The following SH3RF3 variants were observed in gnomAD, a reference collection of about 807,000 sequenced individuals.
The protein encoded by SH3RF3 is SH3 domain containing ring finger 3, also known as E3 ubiquitin-protein ligase SH3RF3.
Under a neutral mutation model 66.3 loss-of-function variants are expected in SH3RF3, and 29 were observed. The observed-to-expected ratio is 0.44, with a 90% confidence interval of 0.33 to 0.60. The LOEUF (loss-of-function observed/expected upper bound fraction) is 0.60, where lower values mean the gene tolerates loss of function less well. SH3RF3 is among the 20% of genes least tolerant of loss of function. The pLI is 0.04. For missense variants in SH3RF3, 1,194 were observed against 1,190.9 expected (o/e 1.00, Z -0.04); for synonymous variants, 583 against 532.0 (o/e 1.10, Z -1.32).
rs550449232 is a variant in SH3RF3, at chr2:109,384,509, G to A, written c.945+12828G>A. The stretch of plus-strand genomic sequence containing the variant: ...AGGCAGGTGGGAGGAGAGGGGTTGG[G>A]GTCAGAGGGGCAGTGGGAAAAGGGC... On this transcript the variant is annotated intron_variant, in intron 3 of 9. Transcript: ENST00000309415. Among the ~76,000 whole-genome samples the A allele has an allele frequency of 2.2e-3, 337 of 152,064 alleles. 3 individuals carry two copies. Among genetic ancestry groups the A allele is most frequent in the African/African-American group, 7.8e-3 (325 of 41,482 alleles).
At chr2:109,170,088 T>C (rs904188717) in intron 1 of SH3RF3, among the ~76,000 whole-genome samples, 4 of 152,236 alleles carry the variant, frequency 2.6e-5, no homozygotes, top group Admixed American at 2.6e-4. Context: ...TGCCAGAAAC[T>C]ATAATCTCTA....
At position 109,493,423 on chromosome 2, in the gene SH3RF3, AAC is replaced by A. The variant is rs1215919804; in HGVS notation, c.2480+2491_2480+2492del. 3.9e-3 allele frequency among the ~76,000 whole-genome samples: 583 copies of A among 150,650 alleles called. 2 individuals carry two copies. Among genetic ancestry groups the A allele is most frequent in the Middle Eastern group, 0.015 (4 of 272 alleles). On this transcript the variant is annotated intron_variant, in intron 9 of 9. Transcript: ENST00000309415. ...ACACACACCACACATACATCATGCAAACACAGACTACACACATGTGCAAACAC... is the reference window on the plus strand; with the variant it reads ...ACACACACCACACATACATCATGCAAACAGACTACACACATGTGCAAACAC...
intron 7 of SH3RF3, among the ~76,000 whole-genome samples, chr2:109,443,605 G>T (rs1053137209): frequency 6.6e-6 from 1 of 152,160 alleles, no homozygotes; most frequent in South Asian, 2.1e-4. Flanking sequence ...AGCTGGAGTG[G>T]TTATCTTAAT....
At chr2:109,253,683 A>G (rs1006261195) in intron 1 of SH3RF3, among the ~76,000 whole-genome samples, 1 of 152,140 alleles carries the variant, frequency 6.6e-6, no homozygotes, top group African/African-American at 2.4e-5. Flanking sequence ...TTTGGAAAGG[A>G]ATTTGGCTGT....
At chr2:109,399,606 A>G (rs924724788) in intron 4 of SH3RF3, among the ~76,000 whole-genome samples, 2 of 152,214 alleles carry the variant, frequency 1.3e-5, no homozygotes, top group Non-Finnish European at 1.5e-5. Flanking sequence ...TGTCTCTACA[A>G]GCAACCAATC....
chr2:109,359,403 A>G (rs1683011181), intron 2 of SH3RF3, among the ~76,000 whole-genome samples: 1 of 151,880 alleles, frequency 6.6e-6, no homozygotes, highest in Admixed American at 6.6e-5. Context: ...CTATCCATGA[A>G]CATGAAATAT....
chr2:109,219,605 G>A (rs533445577), intron 1 of SH3RF3, among the ~76,000 whole-genome samples: 2 of 152,260 alleles, frequency 1.3e-5, no homozygotes, highest in Admixed American at 1.3e-4. Flanking sequence ...CGGCAAAGTT[G>A]CAAAATATAA....
intron 4 of SH3RF3, among the ~76,000 whole-genome samples, chr2:109,403,943 A>G (rs1676382225): frequency 6.6e-6 from 1 of 152,176 alleles, no homozygotes; most frequent in Non-Finnish European, 1.5e-5. Flanking sequence ...CCTCCTTGGT[A>G]GGTGTACCTT....
At chr2:109,140,131 C>T (rs367908519) in intron 1 of SH3RF3, among the ~76,000 whole-genome samples, 28 of 152,162 alleles carry the variant, frequency 1.8e-4, no homozygotes, top group Admixed American at 1.8e-3. Context: ...TCCACCGTCC[C>T]CTCCTGCACC....
At chr2:109,223,642 A>G (rs10203471) in intron 1 of SH3RF3, among the ~76,000 whole-genome samples, 112,119 of 152,008 alleles carry the variant, frequency 0.74, 41,901 homozygotes, top group East Asian at 0.89. Context: ...CTCCCTGGGT[A>G]GCCCTGCACC....
chr2:109,446,151 G>T (rs1223849717), intron 7 of SH3RF3, among the ~76,000 whole-genome samples: 2 of 152,138 alleles, frequency 1.3e-5, no homozygotes, highest in African/African-American at 4.8e-5. Flanking sequence ...AATCCTACCA[G>T]AGATGAGCAC....
At chr2:109,289,898 G>A (rs1394914947) in intron 1 of SH3RF3, among the ~76,000 whole-genome samples, 1 of 152,148 alleles carries the variant, frequency 6.6e-6, no homozygotes, top group Non-Finnish European at 1.5e-5. Flanking sequence ...GGATTGCTGA[G>A]GTTCCTTCCA....
At chr2:109,187,214 T>A (rs551064421) in intron 1 of SH3RF3, among the ~76,000 whole-genome samples, 1 of 152,356 alleles carries the variant, frequency 6.6e-6, no homozygotes, top group South Asian at 2.1e-4. Context: ...TTACTTGTTA[T>A]CTTAGGTTGA....
At position 109,432,522 on chromosome 2, in the gene SH3RF3, C is replaced by A; in HGVS notation, c.1425C>A (p.Tyr475Ter). Residue 475 changes from tyrosine (Y) to a stop codon, truncating the protein, a stop_gained, in exon 6 of 10, where the codon TAC becomes TAA. Coordinates refer to ENST00000309415, the MANE Select transcript of SH3RF3 (RefSeq NM_001099289.3). LOFTEE classifies it high-confidence loss of function. The part of the protein sequence containing the change: ...PLNVYLALYA[Y>*]KPQKSDELEL... ...GCAGGTACCTGGCGCTCTACGCCTA[C>A]AAGCCCCAGAAGAGTGACGAGCTGG... 6.2e-7 allele frequency: 1 copy of A among 1,613,582 alleles called. No individual in the cohort carries two copies. Among genetic ancestry groups the A allele is most frequent in the Non-Finnish European group, 8.5e-7 (1 of 1,179,790 alleles).
intron 3 of SH3RF3, among the ~76,000 whole-genome samples, chr2:109,393,170 A>G (rs1676048017): frequency 6.6e-6 from 1 of 152,234 alleles, no homozygotes; most frequent in Non-Finnish European, 1.5e-5. Flanking sequence ...TAAGGCCAGC[A>G]ACCAGCCTTG....
intron 1 of SH3RF3, among the ~76,000 whole-genome samples, chr2:109,231,242 C>G (rs1343159625): frequency 6.6e-6 from 1 of 152,256 alleles, no homozygotes; most frequent in African/African-American, 2.4e-5. Context: ...GTTTCCTGCT[C>G]TAATTACTGC....
chr2:109,226,958 G>A (rs895294887), intron 1 of SH3RF3, among the ~76,000 whole-genome samples: 23 of 152,182 alleles, frequency 1.5e-4, no homozygotes, highest in African/African-American at 5.3e-4. Flanking sequence ...CCGGGTTCAT[G>A]GCTCAGATGA....
chr2:109,474,554 C>T lies in SH3RF3; in HGVS notation c.2149-16051C>T, dbSNP rs116765164. On this transcript the variant is annotated intron_variant, in intron 8 of 9. Coordinates refer to ENST00000309415, the MANE Select transcript of SH3RF3 (RefSeq NM_001099289.3). Reference sequence around the variant, plus strand: ...GGCTGGGATTACAGTCCGAACCGCACGGGGCTTATAGCCATGGGCACAGTG... The same window carrying T: ...GGCTGGGATTACAGTCCGAACCGCATGGGGCTTATAGCCATGGGCACAGTG... 2.9e-3 allele frequency among the ~76,000 whole-genome samples: 448 copies of T among 152,300 alleles called. 2 individuals carry two copies. Among genetic ancestry groups the T allele is most frequent in the South Asian group, 0.011 (54 of 4,834 alleles).
At chr2:109,442,310 CA>C (rs530557141) in intron 7 of SH3RF3, among the ~76,000 whole-genome samples, 2,161 of 75,880 alleles carry the variant, frequency 0.028, 38 homozygotes, top group African/African-American at 0.082. Context: ...GACTCCACCT[CA>C]AAAAAAAAAA....
Sources: gnomAD v4.1 joint callset for allele counts (sites outside exome capture counted in the v4.1 genomes callset) on GRCh38, gnomAD v4.1.1 for gene constraint, MANE v1.5 for transcripts, NCBI Gene and HGNC (gene_info 2026-07-23, HGNC 2026-07-21) for gene names.